PTPRN2: variants seen among roughly 807,000 people sequenced by gnomAD.
PTPRN2 encodes protein tyrosine phosphatase receptor type N2.
PTPRN2 carries 74 observed loss-of-function variants against 118.8 expected under a neutral mutation model. The observed-to-expected ratio is 0.62, with a 90% CI of 0.52 to 0.76. The LOEUF (loss-of-function observed/expected upper bound fraction) is 0.76, where lower values mean the gene tolerates loss of function less well. Ranked by LOEUF, PTPRN2 falls within the 30% of genes least tolerant of loss-of-function variation. PTPRN2 has a pLI of 0.00. For missense variants in PTPRN2, 1,481 were observed against 1,394.4 expected (o/e 1.06, Z -0.99); for synonymous variants, 641 against 608.0 (o/e 1.05, Z -0.80).
intron 2 of PTPRN2, among the ~76,000 whole-genome samples, chr7:158,346,238 G>A (rs1159506586): frequency 3.3e-5 from 5 of 152,006 alleles, no homozygotes; most frequent in South Asian, 2.1e-4. Flanking sequence ...CTGTACAATC[G>A]AACTCAAAAA....
chr7:158,324,144 C>G (rs964627438), intron 2 of PTPRN2, among the ~76,000 whole-genome samples: 1 of 152,138 alleles, frequency 6.6e-6, no homozygotes, highest in Non-Finnish European at 1.5e-5. Flanking sequence ...CGCCCACACG[C>G]GTACGCTCAC....
At chr7:157,561,432 G>A (rs976434291) in intron 21 of PTPRN2, among the ~76,000 whole-genome samples, 5 of 152,232 alleles carry the variant, frequency 3.3e-5, no homozygotes, top group Non-Finnish European at 4.4e-5. Flanking sequence ...ACTCCCCAGC[G>A]AAGCTGCCCC....
At chr7:158,414,314 G>A (rs1451372404) in intron 2 of PTPRN2, among the ~76,000 whole-genome samples, 1 of 152,188 alleles carries the variant, frequency 6.6e-6, no homozygotes, top group African/African-American at 2.4e-5. Flanking sequence ...GCAGTCACCT[G>A]TGAGAATTTA....
intron 3 of PTPRN2, among the ~76,000 whole-genome samples, chr7:158,281,983 C>G (rs1799458512): frequency 6.6e-6 from 1 of 152,202 alleles, no homozygotes; most frequent in Non-Finnish European, 1.5e-5. Context: ...GTCTCCCAGA[C>G]ATTTTGGGTC....
At chr7:157,980,760 T>A (rs891242797) in intron 11 of PTPRN2, among the ~76,000 whole-genome samples, 1 of 152,056 alleles carries the variant, frequency 6.6e-6, no homozygotes, top group African/African-American at 2.4e-5. Context: ...CTCAAAAAAA[T>A]AAATAAATAA....
chr7:158,371,337 CAA>C (rs201386674), intron 2 of PTPRN2, among the ~76,000 whole-genome samples: 5 of 139,492 alleles, frequency 3.6e-5, no homozygotes, highest in Admixed American at 1.4e-4. Flanking sequence ...CAAAGGAAAG[CAA>C]AAAAAAAAAA....
At chr7:158,057,712 C>A (rs1056539221) in intron 11 of PTPRN2, among the ~76,000 whole-genome samples, 1 of 152,102 alleles carries the variant, frequency 6.6e-6, no homozygotes, top group Admixed American at 6.5e-5. Flanking sequence ...CTCCAAGAAC[C>A]CAGCCTCAGC....
rs1203814657 is a variant in PTPRN2 at position 157,881,221 on chromosome 7, G to GGAATCAT, written c.1788+17451_1788+17452insATGATTC. ...GTATGTGGAGATGGGGGTGTTTACA[G>GGAATCAT]TAGTCATTATGGTAAAATGAGGTCA... is the stretch of plus-strand genomic sequence containing the variant. On this transcript the variant is annotated intron_variant, in intron 12 of 22. Coordinates refer to ENST00000389418, the MANE Select transcript of PTPRN2 (RefSeq NM_002847.5). The surrounding 1 kb of genome is among the most constrained non-coding windows in gnomAD (Gnocchi z 4.7). Among the ~76,000 whole-genome samples the GGAATCAT allele has an allele frequency of 1.2e-4, 18 of 147,454 alleles. No homozygotes were observed. The highest frequency in any genetic ancestry group is 1.1e-3 in the Admixed American group (16 of 15,026).
intron 5 of PTPRN2, among the ~76,000 whole-genome samples, chr7:158,178,329 G>GT (rs1199192850): frequency 6.6e-6 from 1 of 151,954 alleles, no homozygotes; most frequent in East Asian, 1.9e-4. Flanking sequence ...CAATATGTAG[G>GT]TTTTTTTATC....
intron 2 of PTPRN2, among the ~76,000 whole-genome samples, chr7:158,348,659 G>C (rs1266365598): frequency 1.3e-5 from 2 of 152,156 alleles, no homozygotes; most frequent in African/African-American, 4.8e-5. Context: ...ATGCTCAGTT[G>C]TGAGGTATGG....
At chr7:158,374,398 G>A (rs1427165031) in intron 2 of PTPRN2, among the ~76,000 whole-genome samples, 7 of 152,158 alleles carry the variant, frequency 4.6e-5, no homozygotes, top group Non-Finnish European at 5.9e-5. Flanking sequence ...TCGCTCCTGT[G>A]AAACCAGACC....
chr7:158,345,522 GTCT>G (rs1807444349), intron 2 of PTPRN2, among the ~76,000 whole-genome samples: 1 of 152,054 alleles, frequency 6.6e-6, no homozygotes, highest in Non-Finnish European at 1.5e-5. Context: ...AGGAGACAGG[GTCT>G]TCCACCCCCG....
At chr7:158,178,614 T>C (rs1390590076) in intron 5 of PTPRN2, among the ~76,000 whole-genome samples, 1 of 127,820 alleles carries the variant, frequency 7.8e-6, no homozygotes, top group African/African-American at 3.0e-5. Flanking sequence ...TTTTTTTTTT[T>C]TTAAGATGGA....
chr7:158,190,995 C>A (rs536492349), intron 5 of PTPRN2, among the ~76,000 whole-genome samples: 69 of 152,396 alleles, frequency 4.5e-4, no homozygotes, highest in African/African-American at 1.7e-3. Flanking sequence ...AGCTTCCTCA[C>A]CTGCCTGCAC....
chr7:157,714,447 G>A (rs1209649017), intron 12 of PTPRN2, among the ~76,000 whole-genome samples: 1 of 152,200 alleles, frequency 6.6e-6, no homozygotes, highest in Non-Finnish European at 1.5e-5. Flanking sequence ...ATTGAGGGAT[G>A]TCTCCATTTT....
At chr7:158,361,051 C>T (rs1212519153) in intron 2 of PTPRN2, among the ~76,000 whole-genome samples, 2 of 94,790 alleles carry the variant, frequency 2.1e-5, no homozygotes, top group Non-Finnish European at 1.9e-5. Context: ...ACGCACAGAC[C>T]CCACATCCAC....
At chr7:158,519,659 G>A (rs926956788) in intron 1 of PTPRN2, among the ~76,000 whole-genome samples, 13 of 152,120 alleles carry the variant, frequency 8.5e-5, no homozygotes, top group Admixed American at 5.2e-4. Flanking sequence ...AGAATCTAGT[G>A]GCCATACAAC....
At chr7:158,039,899 G>A (rs1808332052) in intron 11 of PTPRN2, among the ~76,000 whole-genome samples, 1 of 152,218 alleles carries the variant, frequency 6.6e-6, no homozygotes, top group African/African-American at 2.4e-5. Flanking sequence ...GGTGATTTGA[G>A]AGCTGGAAAC....
At chr7:157,934,127 G>A (rs921792081) in intron 11 of PTPRN2, among the ~76,000 whole-genome samples, 10 of 152,164 alleles carry the variant, frequency 6.6e-5, no homozygotes, top group African/African-American at 1.4e-4. Flanking sequence ...GCACGTGTGC[G>A]GATCCATCTT....
Sources: allele counts gnomAD v4.1 joint callset (sites outside exome capture counted in the v4.1 genomes callset), GRCh38; gene constraint gnomAD v4.1.1; non-coding constraint Gnocchi (gnomAD v3.1); transcripts MANE v1.5; gene names NCBI Gene and HGNC (gene_info 2026-07-23, HGNC 2026-07-21).